Variants in ANK1 observed in about 807,000 individuals in gnomAD.
The protein encoded by ANK1 is ankyrin-1.
Under a neutral mutation model 210.4 loss-of-function variants are expected in ANK1, and 51 were observed. That is an observed-to-expected ratio of 0.24 (90% CI 0.19 to 0.31). The LOEUF is 0.31. Ranked by LOEUF, ANK1 falls within the 10% of genes least tolerant of loss-of-function variation. ANK1 has a pLI of 1.00. For synonymous variants in ANK1, 967 were observed against 1,025.9 expected (o/e 0.94, Z 1.10); for missense variants, 2,051 against 2,504.4 (o/e 0.82, Z 3.86).
intron 22 of ANK1, chr8:41,700,456 T>C (rs1325432374): frequency 3.7e-6 from 6 of 1,613,664 alleles, no homozygotes; most frequent in Non-Finnish European, 4.2e-6. Flanking sequence ...GAGCAGTTCC[T>C]GGAAAGCAAA....
chr8:41,877,551 T>G (rs1439066562), intron 1 of ANK1, among the ~76,000 whole-genome samples: 1 of 152,218 alleles, frequency 6.6e-6, no homozygotes, highest in Non-Finnish European at 1.5e-5. Flanking sequence ...CTCCTCCAGA[T>G]TTTGGAAATC....
intron 39 of ANK1, chr8:41,664,248 GACC>G: frequency 2.2e-6 from 1 of 446,514 alleles, no homozygotes. Flanking sequence ...AAGGCCGGAG[GACC>G]ACTTGAGCCC....
At chr8:41,662,431 AGCCCTGAAG>A (rs1369868006) in intron 40 of ANK1, among the ~76,000 whole-genome samples, 1 of 152,232 alleles carries the variant, frequency 6.6e-6, no homozygotes, top group Non-Finnish European at 1.5e-5. Context: ...TCTGCTAGAC[AGCCCTGAAG>A]GGGCCTTGGC....
intron 1 of ANK1, among the ~76,000 whole-genome samples, chr8:41,894,146 C>T (rs1166214762): frequency 2.0e-5 from 3 of 152,152 alleles, no homozygotes; most frequent in Non-Finnish European, 4.4e-5. Flanking sequence ...CTACATCCCA[C>T]CCCATACCAT....
At chr8:41,796,578 C>G (rs2150769877) in intron 1 of ANK1, among the ~76,000 whole-genome samples, 1 of 151,104 alleles carries the variant, frequency 6.6e-6, no homozygotes, top group Non-Finnish European at 1.5e-5. Context: ...CCAGGAAAGG[C>G]AAATTGTACA....
rs1027240284 is a variant in ANK1 at position 41,758,277 on chromosome 8, C to T, written c.28-140G>A. On this transcript the variant is annotated intron_variant, in intron 1 of 42. Transcript: ENST00000289734. ...TGCCCACAGTGACACCAGGTGTGCA[C>T]AGGAGCCTGAGAGCCCCTGGTTGGA... 1.0e-5 allele frequency: 8 copies of T among 792,704 alleles called. No individual in the cohort carries two copies. The Admixed American group carries it at 1.2e-4, about 12-fold the overall frequency. 49.1% of individuals were successfully genotyped at this position (792,704 alleles called of 1,614,324 possible).
chr8:41,819,590 C>A (rs758864013), intron 1 of ANK1, among the ~76,000 whole-genome samples: 8 of 152,198 alleles, frequency 5.3e-5, no homozygotes, highest in Non-Finnish European at 1.0e-4. Flanking sequence ...TGGGATTGGA[C>A]TTTCCCAGCG....
intron 1 of ANK1, among the ~76,000 whole-genome samples, chr8:41,823,589 T>A (rs1048048608): frequency 1.3e-5 from 2 of 151,084 alleles, no homozygotes; most frequent in Non-Finnish European, 3.0e-5. Flanking sequence ...CAAGACCACG[T>A]CTCTACAAAA....
At chr8:41,838,076 C>A (rs111722710) in intron 1 of ANK1, among the ~76,000 whole-genome samples, 2 of 152,184 alleles carry the variant, frequency 1.3e-5, no homozygotes, top group African/African-American at 4.8e-5. Context: ...CCTACAAAGA[C>A]AGTGCTCACA....
chr8:41,667,596 C>G (rs779129835), intron 39 of ANK1, among the ~76,000 whole-genome samples: 1 of 151,888 alleles, frequency 6.6e-6, no homozygotes, highest in Non-Finnish European at 1.5e-5. Context: ...GGGATTGAAT[C>G]GAACAAAATA....
At chr8:41,700,667 A>T (rs1384249866) in intron 22 of ANK1, among the ~76,000 whole-genome samples, 1 of 152,204 alleles carries the variant, frequency 6.6e-6, no homozygotes, top group East Asian at 1.9e-4. Flanking sequence ...CTACTACTCA[A>T]CATCCCCATC....
intron 1 of ANK1, among the ~76,000 whole-genome samples, chr8:41,843,150 T>C (rs539313886): frequency 1.3e-5 from 2 of 152,284 alleles, no homozygotes; most frequent in East Asian, 3.9e-4. Context: ...GCCCAGCCAA[T>C]GTTCATATAT....
chr8:41,715,546 G>T, intron 14 of ANK1, 106 bp downstream of exon 14: 1 of 1,403,956 alleles, frequency 7.1e-7, no homozygotes, highest in Non-Finnish European at 9.8e-7. Context: ...GCTGCTTGCA[G>T]CATCATTGAG....
At chr8:41,813,204 A>T (rs1802761153) in intron 1 of ANK1, among the ~76,000 whole-genome samples, 1 of 152,232 alleles carries the variant, frequency 6.6e-6, no homozygotes, top group Non-Finnish European at 1.5e-5. Context: ...CCACAGGGCA[A>T]TAGGCACAAA....
chr8:41,778,440 G>T (rs946047380), intron 1 of ANK1, among the ~76,000 whole-genome samples: 1 of 152,214 alleles, frequency 6.6e-6, no homozygotes, highest in Non-Finnish European at 1.5e-5. Context: ...TTCAAAGACT[G>T]CCAGGTTTTA....
intron 1 of ANK1, among the ~76,000 whole-genome samples, chr8:41,759,414 G>C (rs1274355685): frequency 6.6e-6 from 1 of 152,098 alleles, no homozygotes; most frequent in Non-Finnish European, 1.5e-5. Flanking sequence ...GCTGAGGCAG[G>C]AGAATCGCTT....
At chr8:41,745,083 C>A (rs1049027859) in intron 2 of ANK1, among the ~76,000 whole-genome samples, 1 of 121,434 alleles carries the variant, frequency 8.2e-6, no homozygotes, top group Non-Finnish European at 1.9e-5. Flanking sequence ...ACAGAGACAG[C>A]GTGAGAAAAC....
intron 1 of ANK1, among the ~76,000 whole-genome samples, chr8:41,836,295 T>C (rs1807698696): frequency 1.3e-5 from 2 of 152,244 alleles, no homozygotes; most frequent in Admixed American, 1.3e-4. Flanking sequence ...CACCCCTCCA[T>C]GCTTGCTGTT....
intron 37 of ANK1, among the ~76,000 whole-genome samples, chr8:41,681,464 C>T (rs1010785242): frequency 1.3e-5 from 2 of 152,240 alleles, no homozygotes; most frequent in Non-Finnish European, 2.9e-5. Flanking sequence ...AATTAAGGCA[C>T]TGGTGGTGAG....
Sources: gnomAD v4.1 joint callset for allele counts (sites outside exome capture counted in the v4.1 genomes callset) on GRCh38, gnomAD v4.1.1 for gene constraint, MANE v1.5 for transcripts, NCBI Gene and HGNC (gene_info 2026-07-23, HGNC 2026-07-21) for gene names.